HCN1: variants seen among roughly 807,000 people sequenced by gnomAD.
The protein encoded by HCN1 is potassium/sodium hyperpolarization-activated cyclic nucleotide-gated channel 1.
Under a neutral mutation model 78.9 loss-of-function variants are expected in HCN1, and 13 were observed. The observed-to-expected ratio is 0.16, with a 90% CI of 0.11 to 0.26. HCN1 has a LOEUF of 0.26. HCN1 is among the 10% of genes least tolerant of loss of function. The probability of loss-of-function intolerance (pLI) is 1.00; values close to 1 mark genes in which losing one functional copy is unlikely to be tolerated. For synonymous variants in HCN1, 552 were observed against 455.5 expected, an observed-to-expected ratio of 1.21 and a Z score of -2.70; for missense variants, 810 against 1,154.3, an observed-to-expected ratio of 0.70 and a Z score of 4.32.
intron 5 of HCN1, among the ~76,000 whole-genome samples, chr5:45,334,325 C>T (rs2111956482): frequency 6.6e-6 from 1 of 151,718 alleles, no homozygotes; most frequent in South Asian, 2.1e-4. Context: ...ATCTTGTATC[C>T]TCTTTGTCTA....
intron 5 of HCN1, among the ~76,000 whole-genome samples, chr5:45,346,700 C>T (rs1348218259): frequency 6.6e-6 from 1 of 152,218 alleles, no homozygotes; most frequent in Non-Finnish European, 1.5e-5. Context: ...AACCGGCACA[C>T]CAGGAGATTA....
intron 2 of HCN1, among the ~76,000 whole-genome samples, chr5:45,524,846 T>C (rs1244805800): frequency 6.6e-6 from 1 of 152,200 alleles, no homozygotes; most frequent in African/African-American, 2.4e-5. Context: ...GAATACCCTT[T>C]ATTTCCTTCT....
intron 1 of HCN1, among the ~76,000 whole-genome samples, chr5:45,660,127 G>A (rs2112056718): frequency 8.3e-6 from 1 of 119,956 alleles, no homozygotes; most frequent in Non-Finnish European, 1.7e-5. Flanking sequence ...CTACAAGCCA[G>A]AAGAGAGTGG....
At chr5:45,431,905 T>C (rs1279796624) in intron 3 of HCN1, among the ~76,000 whole-genome samples, 1 of 152,198 alleles carries the variant, frequency 6.6e-6, no homozygotes, top group African/African-American at 2.4e-5. Context: ...TAGGATTGCC[T>C]TGGCTATTTA....
rs902373539 is a variant in HCN1, at chr5:45,260,184, G to A, written c.*1737C>T. The A allele has an allele frequency of 1.3e-5, 2 of 152,212 alleles. No homozygotes were observed. The highest frequency in any genetic ancestry group is 6.5e-5 in the Admixed American group (1 of 15,276). The allele number at this position is 152,212 out of a possible 1,614,324, so 9.4% of individuals were successfully genotyped here. A position where few individuals can be genotyped will look rare whatever the true frequency, so the allele number is the denominator to read the frequency against. On this transcript the variant is annotated 3_prime_UTR_variant, in exon 8 of 8. Transcript: ENST00000303230. ...ATCTGCAGGCCCTGTCCCACATAAT[G>A]TGTGATCTCTGTATGTTCTTAAATG...
At chr5:45,584,352 C>T (rs1212339695) in intron 2 of HCN1, among the ~76,000 whole-genome samples, 2 of 151,932 alleles carry the variant, frequency 1.3e-5, no homozygotes, top group African/African-American at 4.8e-5. Context: ...GGATTGCAAC[C>T]CCTGCCTTTT....
intron 4 of HCN1, among the ~76,000 whole-genome samples, chr5:45,372,453 A>G (rs1315761992): frequency 8.0e-6 from 1 of 124,676 alleles, no homozygotes; most frequent in East Asian, 2.3e-4. Flanking sequence ...ATAAAAATAT[A>G]TAAAACATTT....
At chr5:45,470,323 A>G (rs1308859936) in intron 2 of HCN1, among the ~76,000 whole-genome samples, 2 of 152,016 alleles carry the variant, frequency 1.3e-5, no homozygotes, top group Admixed American at 1.3e-4. Context: ...ATATTGCACT[A>G]CAATTCTTTG....
Position 45,265,923 on chromosome 5 carries a change from C to T in HCN1, c.1783+1166G>A, listed in dbSNP as rs543153681. ...GCTATAGGAGAATGCATCCAAGGAA[C>T]TGGGCTTAGTAGGGAGTGGGAGGTC... On this transcript the variant is annotated intron_variant, in intron 7 of 7. Transcript: ENST00000303230. 1.9e-4 allele frequency among the ~76,000 whole-genome samples: 29 copies of T among 152,140 alleles called. 1 individual carries two copies. In the South Asian group the frequency reaches 5.8e-3, roughly 30 times the overall value.
chr5:45,285,416 C>T (rs1044347677), intron 6 of HCN1, among the ~76,000 whole-genome samples: 8 of 152,046 alleles, frequency 5.3e-5, no homozygotes, highest in South Asian at 2.1e-4. Context: ...TTATTATAGA[C>T]GTCTCACTTG....
intron 4 of HCN1, among the ~76,000 whole-genome samples, chr5:45,394,508 T>C (rs539130289): frequency 1.3e-5 from 2 of 152,346 alleles, no homozygotes; most frequent in Non-Finnish European, 1.5e-5. Flanking sequence ...AATTTAAACA[T>C]ATACTTTTCA....
intron 4 of HCN1, among the ~76,000 whole-genome samples, chr5:45,388,276 G>C (rs1479430458): frequency 6.6e-6 from 1 of 152,064 alleles, no homozygotes; most frequent in Non-Finnish European, 1.5e-5. Flanking sequence ...TAGAGTTGTT[G>C]AGTGGTCACA....
chr5:45,363,116 T>TTA (rs1422370485), intron 4 of HCN1, among the ~76,000 whole-genome samples: 4 of 139,446 alleles, frequency 2.9e-5, no homozygotes, highest in South Asian at 4.5e-4. Flanking sequence ...TATTTACATA[T>TTA]TATATATATA....
At chr5:45,623,337 A>G (rs188131200) in intron 2 of HCN1, among the ~76,000 whole-genome samples, 1 of 152,074 alleles carries the variant, frequency 6.6e-6, no homozygotes, top group Non-Finnish European at 1.5e-5. Context: ...GCCTGCCACT[A>G]ATCAGTTCCA....
At chr5:45,419,719 C>T (rs1261324487) in intron 3 of HCN1, among the ~76,000 whole-genome samples, 1 of 152,152 alleles carries the variant, frequency 6.6e-6, no homozygotes, top group Non-Finnish European at 1.5e-5. Flanking sequence ...GCTTTGAAGA[C>T]AGTGAGCTGG....
At chr5:45,325,104 C>T (rs1746210960) in intron 5 of HCN1, among the ~76,000 whole-genome samples, 1 of 151,644 alleles carries the variant, frequency 6.6e-6, no homozygotes, top group Non-Finnish European at 1.5e-5. Flanking sequence ...CCGTTGCCCC[C>T]ATTATGGCTC....
At chr5:45,357,521 C>A (rs960911192) in intron 4 of HCN1, among the ~76,000 whole-genome samples, 1 of 151,982 alleles carries the variant, frequency 6.6e-6, no homozygotes, top group African/African-American at 2.4e-5. Flanking sequence ...TTTCGTTGAT[C>A]ATTTATTTCT....
At chr5:45,453,253 G>C (rs1740960356) in intron 3 of HCN1, among the ~76,000 whole-genome samples, 1 of 152,004 alleles carries the variant, frequency 6.6e-6, no homozygotes, top group East Asian at 1.9e-4. Flanking sequence ...TAATACAGTA[G>C]AAACTATTAG....
intron 2 of HCN1, among the ~76,000 whole-genome samples, chr5:45,632,305 C>G (rs1187037803): frequency 2.0e-5 from 3 of 148,418 alleles, no homozygotes; most frequent in Admixed American, 6.8e-5. Context: ...GTGTGTGTGT[C>G]TGTTTCCTGA....
Sources: gnomAD v4.1 joint callset for allele counts (sites outside exome capture counted in the v4.1 genomes callset) on GRCh38, gnomAD v4.1.1 for gene constraint, MANE v1.5 for transcripts, NCBI Gene and HGNC (gene_info 2026-07-23, HGNC 2026-07-21) for gene names.